FIBIN: variants seen among roughly 807,000 people sequenced by gnomAD.
FIBIN encodes the protein fin bud initiation factor homolog (zebrafish).
In FIBIN, 8 loss-of-function variants were observed where a neutral mutation model predicts 13.0. That is an observed-to-expected ratio of 0.62 (90% CI 0.36 to 1.11). FIBIN has a LOEUF of 1.11. Among genes scored for constraint, FIBIN ranks in the 50% most tolerant of loss-of-function variants. The pLI, the probability that FIBIN is intolerant of heterozygous loss-of-function variation, is 0.02. For synonymous variants in FIBIN, 127 were observed against 114.7 expected (o/e 1.11, Z -0.69); for missense variants, 261 against 260.2 (o/e 1.00, Z -0.02).
chr11:26,994,387 T>G lies in FIBIN; in HGVS notation c.-140T>G, dbSNP rs998047905. 5 of 769,462 alleles carry G rather than the reference T, an allele frequency of 6.5e-6. No individual in the cohort carries two copies. The highest frequency in any genetic ancestry group is 5.7e-5 in the Admixed American group (2 of 34,914). The allele number at this position is 769,462 out of a possible 1,614,324, so 47.7% of individuals were successfully genotyped here. A position where few individuals can be genotyped will look rare whatever the true frequency, so the allele number is the denominator to read the frequency against. On this transcript the variant is annotated 5_prime_UTR_variant, in exon 1 of 1. Transcript: ENST00000318627. ...GAGCCACATGAAGCCTGCTGGGGAC[T>G]GGGGGCCAGGGAGCAGCAAGCCAGC...
rs1850909347 is a variant in FIBIN, at chr11:26,994,963, A to C, written c.437A>C (p.Gln146Pro). 3 of 1,613,678 alleles carry C rather than the reference A, an allele frequency of 1.9e-6. No individual in the cohort carries two copies. Among genetic ancestry groups the C allele is most frequent in the Non-Finnish European group, 1.7e-6 (2 of 1,179,814 alleles). ...ACTGAGCTGGAGAGCAAGTTCAAGC[A>C]GGGCCAGGAACAGGACAGCCGGCAG... ...SLTELESKFK[Q>P]GQEQDSRQES... The change falls in exon 1 of 1, where the codon CAG becomes CCG. Residue 146 changes from glutamine (Q) to proline (P), a missense_variant. Transcript: ENST00000318627.
Position 26,996,128 on chromosome 11 carries a change from C to T in FIBIN, c.*966C>T, listed in dbSNP as rs1353818191. 1.2e-5 allele frequency: 2 copies of T among 166,870 alleles called. No individual in the cohort carries two copies. The highest frequency in any genetic ancestry group is 2.4e-5 in the African/African-American group (1 of 41,440). The allele number at this position is 166,870 out of a possible 1,614,324, so 10.3% of individuals were successfully genotyped here. ...TAAACATGTTTTCATGTAATACTGG[C>T]TTACTTTGTAATTTACATCTGTAAC... On this transcript the variant is annotated 3_prime_UTR_variant, in exon 1 of 1. Transcript: ENST00000318627.
At position 26,995,683 on chromosome 11, in the gene FIBIN, TTC is replaced by T. The variant is rs765706493; in HGVS notation, c.*527_*528del. On this transcript the variant is annotated 3_prime_UTR_variant, in exon 1 of 1. Transcript: ENST00000318627. Reference sequence around the variant, plus strand: ...CCATGGAAGTTGTTTCTTACTTCTTTTCTCTCTTATTTATTAACCATGGTCTG... The same window carrying T: ...CCATGGAAGTTGTTTCTTACTTCTTTTCTCTTATTTATTAACCATGGTCTG... The T allele has an allele frequency of 4.8e-4, 80 of 167,480 alleles. 1 individual carries two copies. The highest frequency in any genetic ancestry group is 8.3e-4 in the South Asian group (4 of 4,836). The allele number at this position is 167,480 out of a possible 1,614,324, so 10.4% of individuals were successfully genotyped here.
At position 26,995,006 on chromosome 11, in the gene FIBIN, G is replaced by A; in HGVS notation, c.480G>A (p.Glu160=). Residue 160 remains glutamate, a synonymous_variant, in exon 1 of 1, where the codon GAG becomes GAA. Coordinates refer to ENST00000318627, the MANE Select transcript of FIBIN (RefSeq NM_203371.2). ...QDSRQESRLN[E]DFLGMLVHTR... ...GCCGGCAGGAGAGCAGGCTCAACGA[G>A]GACTTTCTGGGAATGCTGGTCCACA... 1 of 1,614,122 alleles carries A rather than the reference G, an allele frequency of 6.2e-7. No homozygotes were observed. The highest frequency in any genetic ancestry group is 8.5e-7 in the Non-Finnish European group (1 of 1,180,032).
rs917445380 is a variant in FIBIN at position 26,996,145 on chromosome 11, A to G, written c.*983A>G. The G allele has an allele frequency of 5.4e-5, 9 of 166,906 alleles. No individual in the cohort carries two copies. The highest frequency in any genetic ancestry group is 2.2e-4 in the African/African-American group (9 of 41,454). 10.3% of individuals were successfully genotyped at this position (166,906 alleles called of 1,614,324 possible). On this transcript the variant is annotated 3_prime_UTR_variant, in exon 1 of 1. Coordinates refer to ENST00000318627, the MANE Select transcript of FIBIN (RefSeq NM_203371.2). The stretch of plus-strand genomic sequence containing the variant: ...AATACTGGCTTACTTTGTAATTTAC[A>G]TCTGTAACTTTCATATTTCTAAAAG...
Position 26,995,233 on chromosome 11 carries a change from G to T in FIBIN, c.*71G>T. ...TTTTGGAGGGTGGGGGACAGAAGAT[G>T]GGGCTACATTTCCCCCATACCTACT... is the stretch of plus-strand genomic sequence containing the variant. On this transcript the variant is annotated 3_prime_UTR_variant, in exon 1 of 1. Transcript: ENST00000318627. The T allele has an allele frequency of 6.9e-7, 1 of 1,440,588 alleles. No homozygotes were observed. Among genetic ancestry groups the T allele is most frequent in the Non-Finnish European group, 9.4e-7 (1 of 1,066,508 alleles). The allele number at this position is 1,440,588 out of a possible 1,614,324, so 89.2% of individuals were successfully genotyped here. A position where few individuals can be genotyped will look rare whatever the true frequency, so the allele number is the denominator to read the frequency against.
In FIBIN at chr11:26,995,430, G is replaced by A; in HGVS notation, c.*268G>A. Reference sequence around the variant, plus strand: ...ACAATTTTAAGCAATGTCATTTCTAGATGGGTTTCTAATTCTGCAGAGACA... The same window carrying A: ...ACAATTTTAAGCAATGTCATTTCTAAATGGGTTTCTAATTCTGCAGAGACA... On this transcript the variant is annotated 3_prime_UTR_variant, in exon 1 of 1. Transcript: ENST00000318627. The A allele has an allele frequency of 2.7e-6, 1 of 369,142 alleles. No homozygotes were observed. Among genetic ancestry groups the A allele is most frequent in the Non-Finnish European group, 5.1e-6 (1 of 198,012 alleles). 22.9% of individuals were successfully genotyped at this position (369,142 alleles called of 1,614,324 possible).
rs1850913001 is a variant in FIBIN at position 26,995,188 on chromosome 11, AG to A, written c.*29del. ...GTGGAAGGATACAAATGCTAGAAAG[AG>A]GGAATCAAATCAGCCCCGTTTTGGA... On this transcript the variant is annotated 3_prime_UTR_variant, in exon 1 of 1. Coordinates refer to ENST00000318627, the MANE Select transcript of FIBIN (RefSeq NM_203371.2). 2 of 1,555,516 alleles carry A rather than the reference AG, an allele frequency of 1.3e-6. No individual in the cohort carries two copies. The highest frequency in any genetic ancestry group is 2.7e-5 in the African/African-American group (2 of 73,216).
In FIBIN at chr11:26,994,189, G is replaced by C. The variant is rs906580423; in HGVS notation, c.-338G>C. ...CTCCAGCTACACACTCCATCTCCCGGGAGCAAGGGGAAACTCCGAGAGGAG... is the reference window on the plus strand; with the variant it reads ...CTCCAGCTACACACTCCATCTCCCGCGAGCAAGGGGAAACTCCGAGAGGAG... On this transcript the variant is annotated 5_prime_UTR_variant, in exon 1 of 1. Transcript: ENST00000318627. 1 of 266,662 alleles carries C rather than the reference G, an allele frequency of 3.8e-6. No individual in the cohort carries two copies. Among genetic ancestry groups the C allele is most frequent in the Non-Finnish European group, 7.0e-6 (1 of 142,042 alleles). 16.5% of individuals were successfully genotyped at this position (266,662 alleles called of 1,614,324 possible).
chr11:26,994,556 T>G lies in FIBIN; in HGVS notation c.30T>G (p.Ser10Arg), dbSNP rs1374531233. The change falls in exon 1 of 1, where the codon AGT becomes AGG. Residue 10 changes from serine to arginine, a missense_variant. Physicochemically the swap from Ser to Arg is moderately radical, Grantham distance 110 (BLOSUM62 -1). Coordinates refer to ENST00000318627, the MANE Select transcript of FIBIN (RefSeq NM_203371.2). ...TGTTTCTGAAGTTCTTCTGCATGAG[T>G]TTCTTCTGCCACCTGTGTCAAGGCT... Reference protein sequence around the residue: MVFLKFFCMSFFCHLCQGYF... With the variant: MVFLKFFCMRFFCHLCQGYF... 1 of 1,608,622 alleles carries G rather than the reference T, an allele frequency of 6.2e-7. No homozygotes were observed. The highest frequency in any genetic ancestry group is 1.7e-5 in the Admixed American group (1 of 59,422).
chr11:26,995,207 G>A lies in FIBIN; in HGVS notation c.*45G>A, dbSNP rs1395392848. ...AGAAAGAGGGAATCAAATCAGCCCC[G>A]TTTTGGAGGGTGGGGGACAGAAGAT... On this transcript the variant is annotated 3_prime_UTR_variant, in exon 1 of 1. Coordinates refer to ENST00000318627, the MANE Select transcript of FIBIN (RefSeq NM_203371.2). 1.3e-6 allele frequency: 2 copies of A among 1,533,894 alleles called. No homozygotes were observed. The highest frequency in any genetic ancestry group is 8.8e-7 in the Non-Finnish European group (1 of 1,139,766).
rs1256711083 is a variant in FIBIN at position 26,996,650 on chromosome 11, T to C, written c.*1488T>C. On this transcript the variant is annotated 3_prime_UTR_variant, in exon 1 of 1. Coordinates refer to ENST00000318627, the MANE Select transcript of FIBIN (RefSeq NM_203371.2). ...ACACACGAAAATAAATAAATGTTCATATTCTTCTGTTCAACAGACATTTAT... is the reference window on the plus strand; with the variant it reads ...ACACACGAAAATAAATAAATGTTCACATTCTTCTGTTCAACAGACATTTAT... Among the ~76,000 whole-genome samples, 1 of 152,158 alleles carries C rather than the reference T, an allele frequency of 6.6e-6. No individual in the cohort carries two copies. The highest frequency in any genetic ancestry group is 2.4e-5 in the African/African-American group (1 of 41,454).
chr11:26,994,579 G>T lies in FIBIN; in HGVS notation c.53G>T (p.Gly18Val). ...CMSFFCHLCQ[G>V]YFDGPLYPEM... Reference sequence around the variant, plus strand: ...AGTTTCTTCTGCCACCTGTGTCAAGGCTACTTCGATGGCCCCCTCTACCCA... The same window carrying T: ...AGTTTCTTCTGCCACCTGTGTCAAGTCTACTTCGATGGCCCCCTCTACCCA... The change falls in exon 1 of 1, where the codon GGC (glycine) becomes GTC (valine). Residue 18 changes from glycine to valine, a missense_variant. By Grantham distance (109) the Gly-to-Val change is moderately radical. Transcript: ENST00000318627. The T allele has an allele frequency of 6.2e-7, 1 of 1,613,516 alleles. No individual in the cohort carries two copies. Among genetic ancestry groups the T allele is most frequent in the Non-Finnish European group, 8.5e-7 (1 of 1,179,710 alleles).
Position 26,995,250 on chromosome 11 carries a change from A to T in FIBIN, c.*88A>T. The T allele has an allele frequency of 7.6e-7, 1 of 1,310,318 alleles. No individual in the cohort carries two copies. The highest frequency in any genetic ancestry group is 2.4e-5 in the East Asian group (1 of 41,666). 81.2% of individuals were successfully genotyped at this position (1,310,318 alleles called of 1,614,324 possible). ...CAGAAGATGGGGCTACATTTCCCCC[A>T]TACCTACTATTTTTTTATATCCCGA... On this transcript the variant is annotated 3_prime_UTR_variant, in exon 1 of 1. Transcript: ENST00000318627.
In FIBIN at chr11:26,994,536, C is replaced by G; in HGVS notation, c.10C>G (p.Leu4Val). Residue 4 changes from leucine to valine, a missense_variant, in exon 1 of 1, where the codon CTG (leucine) becomes GTG (valine). Leu to Val is a conservative substitution (Grantham distance 32, BLOSUM62 1). Coordinates refer to ENST00000318627, the MANE Select transcript of FIBIN (RefSeq NM_203371.2). Reference protein sequence around the residue: MVFLKFFCMSFFCH... With the variant: MVFVKFFCMSFFCH... ...ATCCTGAATATCCAGAATGGTGTTT[C>G]TGAAGTTCTTCTGCATGAGTTTCTT... 2 of 1,604,332 alleles carry G rather than the reference C, an allele frequency of 1.2e-6. No individual in the cohort carries two copies. Among genetic ancestry groups the G allele is most frequent in the Non-Finnish European group, 1.7e-6 (2 of 1,173,654 alleles).
In FIBIN at chr11:26,994,993, G is replaced by A. The variant is rs1850910055; in HGVS notation, c.467G>A (p.Ser156Asn). ...CAGGAACAGGACAGCCGGCAGGAGAGCAGGCTCAACGAGGACTTTCTGGGA... is the reference window on the plus strand; with the variant it reads ...CAGGAACAGGACAGCCGGCAGGAGAACAGGCTCAACGAGGACTTTCTGGGA... ...QGQEQDSRQESRLNEDFLGML... is the reference protein window; with the variant it reads ...QGQEQDSRQENRLNEDFLGML... The change falls in exon 1 of 1, where the codon AGC becomes AAC. Residue 156 changes from serine to asparagine, a missense_variant. Ser to Asn is a conservative substitution (Grantham distance 46). Coordinates refer to ENST00000318627, the MANE Select transcript of FIBIN (RefSeq NM_203371.2). 2 of 1,614,134 alleles carry A rather than the reference G, an allele frequency of 1.2e-6. No homozygotes were observed. The highest frequency in any genetic ancestry group is 1.7e-6 in the Non-Finnish European group (2 of 1,180,028).
At position 26,994,412 on chromosome 11, in the gene FIBIN, C is replaced by A; in HGVS notation, c.-115C>A. ...TGGGGGCCAGGGAGCAGCAAGCCAG[C>A]TGGGACTGAGGCGGACGCTGTCTCA... On this transcript the variant is annotated 5_prime_UTR_variant, in exon 1 of 1. It adds an upstream start codon to the 5' untranslated region. Transcript: ENST00000318627. The A allele has an allele frequency of 1.9e-6, 2 of 1,033,928 alleles. No individual in the cohort carries two copies. The highest frequency in any genetic ancestry group is 2.8e-6 in the Non-Finnish European group (2 of 711,114). The allele number at this position is 1,033,928 out of a possible 1,614,324, so 64.0% of individuals were successfully genotyped here. A position where few individuals can be genotyped will look rare whatever the true frequency, so the allele number is the denominator to read the frequency against.
At position 26,995,834 on chromosome 11, in the gene FIBIN, A is replaced by C; in HGVS notation, c.*672A>C. 6.0e-6 allele frequency: 1 copy of C among 167,084 alleles called. No individual in the cohort carries two copies. The highest frequency in any genetic ancestry group is 1.9e-4 in the East Asian group (1 of 5,202). 10.4% of individuals were successfully genotyped at this position (167,084 alleles called of 1,614,324 possible). A position where few individuals can be genotyped will look rare whatever the true frequency, so the allele number is the denominator to read the frequency against. ...AAAGTGGCCACATTTAAGAAGGCCA[A>C]GCTTTGTAGTGGTTGCACAGTCACA... On this transcript the variant is annotated 3_prime_UTR_variant, in exon 1 of 1. Coordinates refer to ENST00000318627, the MANE Select transcript of FIBIN (RefSeq NM_203371.2).
chr11:26,995,163 G>A lies in FIBIN; in HGVS notation c.*1G>A. The A allele has an allele frequency of 6.3e-7, 1 of 1,586,462 alleles. No homozygotes were observed. Among genetic ancestry groups the A allele is most frequent in the Non-Finnish European group, 8.6e-7 (1 of 1,166,914 alleles). ...GAAAAATGATTATCTTAAAGTATAG[G>A]TGGAAGGATACAAATGCTAGAAAGA... On this transcript the variant is annotated 3_prime_UTR_variant, in exon 1 of 1. Transcript: ENST00000318627.
Sources: gnomAD v4.1 joint callset for allele counts (sites outside exome capture counted in the v4.1 genomes callset) on GRCh38, gnomAD v4.1.1 for gene constraint, MANE v1.5 for transcripts, NCBI Gene and HGNC (gene_info 2026-07-23, HGNC 2026-07-21) for gene names.